CCSER1: variants seen among roughly 807,000 people sequenced by gnomAD.
CCSER1 encodes the protein serine-rich coiled-coil domain-containing protein 1.
CCSER1 carries 41 observed loss-of-function variants against 82.0 expected under a neutral mutation model. The ratio of observed to expected loss-of-function variants is 0.50; its 90% CI spans 0.39 to 0.65. CCSER1 has a LOEUF of 0.65. Among genes scored for constraint, CCSER1 ranks in the 30% least tolerant of loss-of-function variants. The pLI, the probability that CCSER1 is intolerant of heterozygous loss-of-function variation, is 0.00. For missense variants in CCSER1, 1,119 were observed against 1,064.2 expected, an observed-to-expected ratio of 1.05 and a Z score of -0.72; for synonymous variants, 414 against 383.9, an observed-to-expected ratio of 1.08 and a Z score of -0.92.
In CCSER1 at chr4:90,309,214, T is replaced by G. The variant is rs1734861174; in HGVS notation, c.930T>G (p.Leu310=). 1 of 1,613,824 alleles carries G rather than the reference T, an allele frequency of 6.2e-7. No individual in the cohort carries two copies. The highest frequency in any genetic ancestry group is 8.5e-7 in the Non-Finnish European group (1 of 1,179,838). Residue 310 remains leucine, a synonymous_variant, in exon 2 of 11, where the codon CTT becomes CTG. Coordinates refer to ENST00000509176, the MANE Select transcript of CCSER1 (RefSeq NM_001145065.2). Reference sequence around the variant, plus strand: ...CTGTTACAAAGACAACAACAGAACTTACGGGAACTGTTCCCTGTGCAATTA... The same window carrying G: ...CTGTTACAAAGACAACAACAGAACTGACGGGAACTGTTCCCTGTGCAATTA... ...SAAVTKTTTE[L]TGTVPCAIMS...
intron 10 of CCSER1, among the ~76,000 whole-genome samples, chr4:91,328,429 A>C (rs893517259): frequency 1.1e-4 from 16 of 152,070 alleles, no homozygotes; most frequent in Admixed American, 2.6e-4. Flanking sequence ...GTGAAAACTC[A>C]CTCACTATCA....
At chr4:91,445,834 CTT>C (rs961510811) in intron 10 of CCSER1, among the ~76,000 whole-genome samples, 7 of 151,960 alleles carry the variant, frequency 4.6e-5, no homozygotes, top group African/African-American at 1.7e-4. Flanking sequence ...ACTCTACTGT[CTT>C]TGATTGGATA....
At chr4:91,099,781 T>C (rs1724872698) in intron 10 of CCSER1, among the ~76,000 whole-genome samples, 1 of 152,184 alleles carries the variant, frequency 6.6e-6, no homozygotes, top group South Asian at 2.1e-4. Flanking sequence ...CAGGTTAAGA[T>C]AAAAGACTGT....
At chr4:90,989,502 G>C (rs561211927) in intron 9 of CCSER1, among the ~76,000 whole-genome samples, 4 of 151,726 alleles carry the variant, frequency 2.6e-5, no homozygotes, top group Non-Finnish European at 5.9e-5. Context: ...TAAGCTATCT[G>C]AGATAGCTTC....
chr4:91,452,122 T>C (rs998500309), intron 10 of CCSER1, among the ~76,000 whole-genome samples: 13 of 152,006 alleles, frequency 8.6e-5, no homozygotes, highest in African/African-American at 3.1e-4. Flanking sequence ...AAGTAACTTC[T>C]ATGGCAGGAG....
intron 10 of CCSER1, among the ~76,000 whole-genome samples, chr4:91,574,062 A>G (rs1763321358): frequency 6.6e-6 from 1 of 152,076 alleles, no homozygotes; most frequent in African/African-American, 2.4e-5. Flanking sequence ...AATAATTAAT[A>G]TTTTTTAAAT....
intron 8 of CCSER1, among the ~76,000 whole-genome samples, chr4:90,888,733 T>G (rs975881506): frequency 1.3e-5 from 2 of 152,134 alleles, no homozygotes; most frequent in Non-Finnish European, 2.9e-5. Context: ...AAAATTGTTT[T>G]GAGATGTAAG....
chr4:90,514,689 G>A (rs1407712987), intron 5 of CCSER1, among the ~76,000 whole-genome samples: 5 of 152,098 alleles, frequency 3.3e-5, no homozygotes, highest in African/African-American at 1.2e-4. Context: ...GCAGGAGGCG[G>A]AGGTTACAGT....
At chr4:91,217,230 C>T (rs576509152) in intron 10 of CCSER1, among the ~76,000 whole-genome samples, 11 of 152,130 alleles carry the variant, frequency 7.2e-5, no homozygotes, top group South Asian at 4.1e-4. Context: ...GAAAGGGACC[C>T]GAGCGGGTTG....
intron 10 of CCSER1, among the ~76,000 whole-genome samples, chr4:91,101,899 A>G (rs1237092752): frequency 6.6e-6 from 1 of 152,230 alleles, no homozygotes; most frequent in East Asian, 1.9e-4. Flanking sequence ...GAAGTTGATT[A>G]AATAATCAAA....
At chr4:91,269,212 AT>A (rs1741841983) in intron 10 of CCSER1, among the ~76,000 whole-genome samples, 1 of 152,242 alleles carries the variant, frequency 6.6e-6, no homozygotes, top group South Asian at 2.1e-4. Flanking sequence ...AAGAGAGCTA[AT>A]ACTTTAATGT....
chr4:90,374,497 G>A (rs1398825370), intron 3 of CCSER1, among the ~76,000 whole-genome samples: 1 of 152,188 alleles, frequency 6.6e-6, no homozygotes, highest in East Asian at 1.9e-4. Context: ...AATCTTGTGA[G>A]TGAGGCCCTT....
At chr4:91,232,935 CAT>C (rs1383815844) in intron 10 of CCSER1, among the ~76,000 whole-genome samples, 3 of 151,636 alleles carry the variant, frequency 2.0e-5, no homozygotes, top group Non-Finnish European at 4.4e-5. Context: ...TAGACATATA[CAT>C]GGGTAGATAT....
intron 5 of CCSER1, among the ~76,000 whole-genome samples, chr4:90,584,951 A>G (rs1452331595): frequency 6.6e-6 from 1 of 152,196 alleles, no homozygotes. Flanking sequence ...AAGCCACATA[A>G]TGAAAGAAGA....
Position 91,038,165 on chromosome 4 carries a change from C to T in CCSER1, c.2173-47785C>T, listed in dbSNP as rs565120172. On this transcript the variant is annotated intron_variant, in intron 9 of 10. Coordinates refer to ENST00000509176, the MANE Select transcript of CCSER1 (RefSeq NM_001145065.2). ...ATTGACATAACAGAGGAATTAATTGCTTCTGTGTACATGAGCAGTAAGTAC... is the reference window on the plus strand; with the variant it reads ...ATTGACATAACAGAGGAATTAATTGTTTCTGTGTACATGAGCAGTAAGTAC... Among the ~76,000 whole-genome samples the T allele has an allele frequency of 6.6e-5, 10 of 152,164 alleles. 1 individual carries two copies. The highest frequency in any genetic ancestry group is 2.4e-4 in the African/African-American group (10 of 41,538).
intron 4 of CCSER1, among the ~76,000 whole-genome samples, chr4:90,423,205 G>A (rs1756980956): frequency 6.6e-6 from 1 of 151,860 alleles, no homozygotes; most frequent in Admixed American, 6.6e-5. Flanking sequence ...AATTTTACCA[G>A]GTGGTTCTTT....
chr4:90,483,154 G>A (rs1228442344), intron 5 of CCSER1, among the ~76,000 whole-genome samples: 4 of 152,058 alleles, frequency 2.6e-5, no homozygotes, highest in African/African-American at 9.7e-5. Context: ...CTTGATCTTT[G>A]TTGGTTTAAA....
chr4:91,259,739 G>C (rs923484769), intron 10 of CCSER1, among the ~76,000 whole-genome samples: 1 of 152,062 alleles, frequency 6.6e-6, no homozygotes, highest in Non-Finnish European at 1.5e-5. Flanking sequence ...AAGGCTTCCA[G>C]CTTCATCCAT....
At chr4:91,021,238 G>C (rs1342209125) in intron 9 of CCSER1, among the ~76,000 whole-genome samples, 1 of 151,894 alleles carries the variant, frequency 6.6e-6, no homozygotes, top group African/African-American at 2.4e-5. Flanking sequence ...TTCTAAGTCA[G>C]TATTAGAAGG....
Sources: allele counts gnomAD v4.1 joint callset (sites outside exome capture counted in the v4.1 genomes callset), GRCh38; gene constraint gnomAD v4.1.1; transcripts MANE v1.5; gene names NCBI Gene and HGNC (gene_info 2026-07-23, HGNC 2026-07-21).